FOXK1: variants seen among roughly 807,000 people sequenced by gnomAD.
The protein encoded by FOXK1 is forkhead box K1.
A neutral mutation model predicts 51.9 loss-of-function variants in FOXK1; 19 were observed. The observed-to-expected ratio is 0.37, with a 90% CI of 0.26 to 0.54. The LOEUF is 0.54. Ranked by LOEUF, FOXK1 falls within the 20% of genes least tolerant of loss-of-function variation. The pLI is 0.87. For missense variants in FOXK1, 870 were observed against 1,032.7 expected (o/e 0.84, Z 2.16); for synonymous variants, 537 against 482.6 (o/e 1.11, Z -1.48).
At chr7:4,717,817 A>C (rs1780255669) in intron 1 of FOXK1, among the ~76,000 whole-genome samples, 1 of 152,216 alleles carries the variant, frequency 6.6e-6, no homozygotes, top group South Asian at 2.1e-4. Context: ...CAAACACACT[A>C]GTCCATGCTC....
At position 4,754,346 on chromosome 7, in the gene FOXK1, AG is replaced by A. The variant is rs1583210590; in HGVS notation, c.747-112del. 5 of 1,236,364 alleles carry A rather than the reference AG, an allele frequency of 4.0e-6. No individual in the cohort carries two copies. In the East Asian group the frequency reaches 1.2e-4, roughly 30 times the overall value. 76.6% of individuals were successfully genotyped at this position (1,236,364 alleles called of 1,614,324 possible). On this transcript the variant is annotated intron_variant, in intron 2 of 8. Coordinates refer to ENST00000328914, the MANE Select transcript of FOXK1 (RefSeq NM_001037165.2). The stretch of plus-strand genomic sequence containing the variant: ...AGTGTGGTGGCACTTAAAATTGGAA[AG>A]TGTGAGCTTCTTCCCCACAGCCCCA...
In FOXK1 at chr7:4,765,856, C is replaced by T. The variant is rs569438732; in HGVS notation, c.*3392C>T. On this transcript the variant is annotated 3_prime_UTR_variant, in exon 9 of 9. Transcript: ENST00000328914. ...GTAGAGCAAAGGCATCCACCGAGGC[C>T]ATTTGGTGGCCCCTGGGAAGTGGGG... The T allele has an allele frequency of 1.3e-5, 2 of 152,394 alleles. No homozygotes were observed. The highest frequency in any genetic ancestry group is 2.4e-5 in the African/African-American group (1 of 41,584). The allele number at this position is 152,394 out of a possible 1,614,324, so 9.4% of individuals were successfully genotyped here. A position where few individuals can be genotyped will look rare whatever the true frequency, so the allele number is the denominator to read the frequency against.
chr7:4,759,307 G>A lies in FOXK1; in HGVS notation c.1412-4G>A, dbSNP rs750822067. On this transcript the variant is annotated splice_region_variant and splice_polypyrimidine_tract_variant and intron_variant, in intron 6 of 8. Transcript: ENST00000328914. ...TCACCGTCCGCTCTCCGCCCTCCGT[G>A]CAGGCTCCCCCGTCAGCGCCCAGCC... The A allele has an allele frequency of 1.2e-6, 2 of 1,601,096 alleles. No homozygotes were observed. Among genetic ancestry groups the A allele is most frequent in the South Asian group, 2.2e-5 (2 of 90,762 alleles).
chr7:4,701,076 GGCCGCTCACCAGCA>G (rs1226434189), intron 1 of FOXK1, among the ~76,000 whole-genome samples: 1 of 152,208 alleles, frequency 6.6e-6, no homozygotes, highest in Non-Finnish European at 1.5e-5. Flanking sequence ...CAGCAGGGGC[GGCCGCTCACCAGCA>G]AGGCTGTCAT....
At position 4,703,475 on chromosome 7, in the gene FOXK1, G is replaced by T. The variant is rs1368743182; in HGVS notation, c.560+20607G>T. Among the ~76,000 whole-genome samples, 1 of 152,158 alleles carries T rather than the reference G, an allele frequency of 6.6e-6. No individual in the cohort carries two copies. Among genetic ancestry groups the T allele is most frequent in the African/African-American group, 2.4e-5 (1 of 41,452 alleles). On this transcript the variant is annotated intron_variant, in intron 1 of 8. Coordinates refer to ENST00000328914, the MANE Select transcript of FOXK1 (RefSeq NM_001037165.2). This position sits in a 1 kb window ranked among gnomAD's most constrained non-coding sequence, Gnocchi z 5.6. ...CACAGGGCAGGGTCCTGGTGTCCTC[G>T]CCCCACAAGGCTCCCCCAGGGTGGC...
chr7:4,724,228 C>G (rs1780350589), intron 1 of FOXK1, among the ~76,000 whole-genome samples: 1 of 152,086 alleles, frequency 6.6e-6, no homozygotes, highest in South Asian at 2.1e-4. Flanking sequence ...TGGAGTCTTC[C>G]TCTGTCACCC....
chr7:4,755,445 G>A lies in FOXK1; in HGVS notation c.1050+62G>A, dbSNP rs1416491977. 1 of 1,584,716 alleles carries A rather than the reference G, an allele frequency of 6.3e-7. No individual in the cohort carries two copies. Among genetic ancestry groups the A allele is most frequent in the South Asian group, 1.1e-5 (1 of 89,306 alleles). ...GGCCCTTAGAACATGGAACTCACAG[G>A]CATATTGCTTCCCTTAAAACAGAAG... On this transcript the variant is annotated intron_variant, in intron 4 of 8. Transcript: ENST00000328914. This position sits in a 1 kb window ranked among gnomAD's most constrained non-coding sequence, Gnocchi z 6.6.
rs1162292303 is a variant in FOXK1, at chr7:4,730,140, C to G, written c.561-10698C>G. ...TTCCAAATAGGACATGCTTATTTGC[C>G]TGATTACAAAAATAGATGCATTCTC... On this transcript the variant is annotated intron_variant, in intron 1 of 8. Transcript: ENST00000328914. This position sits in a 1 kb window ranked among gnomAD's most constrained non-coding sequence, Gnocchi z 4.7. Among the ~76,000 whole-genome samples the G allele has an allele frequency of 1.3e-5, 2 of 152,160 alleles. No homozygotes were observed. Among genetic ancestry groups the G allele is most frequent in the Non-Finnish European group, 2.9e-5 (2 of 68,030 alleles).
chr7:4,738,343 A>T (rs1342655920), intron 1 of FOXK1, among the ~76,000 whole-genome samples: 1 of 151,888 alleles, frequency 6.6e-6, no homozygotes, highest in Non-Finnish European at 1.5e-5. Context: ...AGGCTGAGGC[A>T]GCAGAATCGC....
At chr7:4,713,990 C>G (rs577310579) in intron 1 of FOXK1, among the ~76,000 whole-genome samples, 5 of 151,060 alleles carry the variant, frequency 3.3e-5, no homozygotes, top group Non-Finnish European at 7.4e-5. Flanking sequence ...CCACGTCCGG[C>G]TAATTTTTTG....
intron 1 of FOXK1, among the ~76,000 whole-genome samples, chr7:4,697,741 C>CTGTGTGTGTGTG (rs57978112): frequency 2.2e-5 from 3 of 135,598 alleles, no homozygotes; most frequent in Non-Finnish European, 3.1e-5. Flanking sequence ...GAAAGATAGG[C>CTGTGTGTGTGTG]TGTGTGTGTG....
intron 2 of FOXK1, among the ~76,000 whole-genome samples, chr7:4,744,367 C>T (rs1237505456): frequency 1.3e-5 from 2 of 152,092 alleles, no homozygotes; most frequent in Middle Eastern, 3.2e-3. Flanking sequence ...AAGGGTGAAC[C>T]GCGTACCCCG....
chr7:4,741,749 C>T (rs2115061835), intron 2 of FOXK1, among the ~76,000 whole-genome samples: 1 of 152,308 alleles, frequency 6.6e-6, no homozygotes, highest in Middle Eastern at 3.4e-3. Flanking sequence ...GAAGAAAGTC[C>T]TCAAACTTCC....
rs905242880 is a variant in FOXK1 at position 4,745,957 on chromosome 7, G to C, written c.746+4934G>C. 1.3e-5 allele frequency among the ~76,000 whole-genome samples: 2 copies of C among 152,186 alleles called. No homozygotes were observed. The highest frequency in any genetic ancestry group is 2.9e-5 in the Non-Finnish European group (2 of 68,022). The stretch of plus-strand genomic sequence containing the variant: ...ATTCAAGTAGTTAATCATTTTCTAG[G>C]TTCCATCAGACAGACACCAGTCTAA... On this transcript the variant is annotated intron_variant, in intron 2 of 8. Transcript: ENST00000328914. The surrounding 1 kb of genome is among the most constrained non-coding windows in gnomAD (Gnocchi z 4.3).
Position 4,722,107 on chromosome 7 carries a change from G to C in FOXK1, c.561-18731G>C, listed in dbSNP as rs1397450012. Reference sequence around the variant, plus strand: ...GTGGGTGGGACGTGCTAGAGGAGGGGACTTTGGTGGGGCCTTGGGCTCTTG... The same window carrying C: ...GTGGGTGGGACGTGCTAGAGGAGGGCACTTTGGTGGGGCCTTGGGCTCTTG... On this transcript the variant is annotated intron_variant, in intron 1 of 8. Transcript: ENST00000328914. This position sits in a 1 kb window ranked among gnomAD's most constrained non-coding sequence, Gnocchi z 5.1. 6.6e-6 allele frequency among the ~76,000 whole-genome samples: 1 copy of C among 152,178 alleles called. No homozygotes were observed. The highest frequency in any genetic ancestry group is 1.5e-5 in the Non-Finnish European group (1 of 68,040).
rs1396680142 is a variant in FOXK1, at chr7:4,703,183, C to T, written c.560+20315C>T. Among the ~76,000 whole-genome samples, 1 of 152,058 alleles carries T rather than the reference C, an allele frequency of 6.6e-6. No individual in the cohort carries two copies. Among genetic ancestry groups the T allele is most frequent in the African/African-American group, 2.4e-5 (1 of 41,396 alleles). On this transcript the variant is annotated intron_variant, in intron 1 of 8. Transcript: ENST00000328914. The surrounding 1 kb of genome is among the most constrained non-coding windows in gnomAD (Gnocchi z 5.6). ...AGGGCAGGCGGCTGGGAGGGCGTTT[C>T]TGAGGAAGTGCTGTTTTAGCCGAGG... is the stretch of plus-strand genomic sequence containing the variant.
At chr7:4,698,321 TATATATATATC>T (rs1779979098) in intron 1 of FOXK1, among the ~76,000 whole-genome samples, 1 of 152,046 alleles carries the variant, frequency 6.6e-6, no homozygotes, top group East Asian at 1.9e-4. Flanking sequence ...TGTATATATA[TATATATATATC>T]GTGCCCTTTT....
rs2115036408 is a variant in FOXK1, at chr7:4,703,841, A to C, written c.560+20973A>C. ...GAGAGACTCCCCTAACCATGATTTA[A>C]TCTGGGGAAGGGAGAAAAGTAACAT... On this transcript the variant is annotated intron_variant, in intron 1 of 8. Transcript: ENST00000328914. The surrounding 1 kb of genome is among the most constrained non-coding windows in gnomAD (Gnocchi z 5.6). 6.6e-6 allele frequency among the ~76,000 whole-genome samples: 1 copy of C among 152,268 alleles called. No individual in the cohort carries two copies. The highest frequency in any genetic ancestry group is 2.1e-4 in the South Asian group (1 of 4,830).
chr7:4,755,216 G>T lies in FOXK1; in HGVS notation c.904-21G>T. ...CAGGGACCTTGCTGGAGCTCATCCC[G>T]TGAGCCGTGTTTCTCCGCAGGATGA... is the stretch of plus-strand genomic sequence containing the variant. On this transcript the variant is annotated intron_variant, in intron 3 of 8. Transcript: ENST00000328914. The surrounding 1 kb of genome is among the most constrained non-coding windows in gnomAD (Gnocchi z 6.6). 1.9e-6 allele frequency: 3 copies of T among 1,612,200 alleles called. No homozygotes were observed. Among genetic ancestry groups the T allele is most frequent in the Non-Finnish European group, 2.5e-6 (3 of 1,179,066 alleles).
Sources: gnomAD v4.1 joint callset for allele counts (sites outside exome capture counted in the v4.1 genomes callset) on GRCh38, gnomAD v4.1.1 for gene constraint, Gnocchi (gnomAD v3.1) non-coding constraint, MANE v1.5 for transcripts, NCBI Gene and HGNC (gene_info 2026-07-23, HGNC 2026-07-21) for gene names.